The following PDLIM5 variants were observed in gnomAD, a reference collection of about 807,000 sequenced individuals.
PDLIM5 encodes the protein PDZ and LIM domain 5.
In PDLIM5, 34 loss-of-function variants were observed where a neutral mutation model predicts 64.2. The ratio of observed to expected loss-of-function variants is 0.53; its 90% confidence interval spans 0.40 to 0.71. PDLIM5 has a LOEUF of 0.71. Among genes scored for constraint, PDLIM5 ranks in the 30% least tolerant of loss-of-function variants. PDLIM5 has a pLI of 0.00. For missense variants in PDLIM5, 683 were observed against 733.6 expected, an observed-to-expected ratio of 0.93 and a Z score of 0.80; for synonymous variants, 253 against 269.1, an observed-to-expected ratio of 0.94 and a Z score of 0.59.
At chr4:94,464,147 T>C (rs1361140687) in intron 2 of PDLIM5, among the ~76,000 whole-genome samples, 1 of 152,208 alleles carries the variant, frequency 6.6e-6, no homozygotes, top group Non-Finnish European at 1.5e-5. Context: ...AGAAGAGTTT[T>C]GAATTAGAGA....
intron 3 of PDLIM5, among the ~76,000 whole-genome samples, chr4:94,532,167 G>A (rs1560682855): frequency 6.6e-6 from 1 of 152,122 alleles, no homozygotes; most frequent in Non-Finnish European, 1.5e-5. Context: ...TTATGTGGCT[G>A]ACTGCCACAA....
At chr4:94,478,106 A>G (rs1725491683) in intron 2 of PDLIM5, among the ~76,000 whole-genome samples, 2 of 151,934 alleles carry the variant, frequency 1.3e-5, no homozygotes, top group East Asian at 3.9e-4. Context: ...AAATACAAAA[A>G]TTACCCGGGC....
intron 7 of PDLIM5, among the ~76,000 whole-genome samples, chr4:94,615,940 C>T (rs1578476546): frequency 1.3e-5 from 2 of 152,140 alleles, no homozygotes; most frequent in Non-Finnish European, 2.9e-5. Context: ...ATAACCTGGG[C>T]TACTATTACC....
chr4:94,638,785 C>T (rs767595952), intron 8 of PDLIM5, among the ~76,000 whole-genome samples: 6 of 152,212 alleles, frequency 3.9e-5, no homozygotes, highest in Non-Finnish European at 8.8e-5. Context: ...TCAATCCTCA[C>T]TGTTTTCTCA....
Position 94,667,508 on chromosome 4 carries a change from A to G in PDLIM5, c.*3441A>G, listed in dbSNP as rs1743133400. On this transcript the variant is annotated 3_prime_UTR_variant, in exon 13 of 13. Coordinates refer to ENST00000317968, the MANE Select transcript of PDLIM5 (RefSeq NM_006457.5). ...GTAATCTAGAGATGATTTAAAGTGT[A>G]TGGTAGGATGTGCATAGGTTATATG... 6.6e-6 allele frequency: 1 copy of G among 152,222 alleles called. No homozygotes were observed. The highest frequency in any genetic ancestry group is 1.5e-5 in the Non-Finnish European group (1 of 68,038). 9.4% of individuals were successfully genotyped at this position (152,222 alleles called of 1,614,324 possible).
chr4:94,636,078 C>A (rs1231922755), intron 8 of PDLIM5, among the ~76,000 whole-genome samples: 1 of 152,182 alleles, frequency 6.6e-6, no homozygotes, highest in Admixed American at 6.5e-5. Flanking sequence ...GATACAGTCA[C>A]ATGTTTCATG....
chr4:94,455,221 G>A, intron 1 of PDLIM5, 26 bp from the exon 2 acceptor site: 2 of 899,612 alleles, frequency 2.2e-6, no homozygotes, highest in East Asian at 4.9e-5. Flanking sequence ...AAACATTTTT[G>A]CTAATCATCT....
intron 3 of PDLIM5, among the ~76,000 whole-genome samples, chr4:94,557,540 A>G (rs1211960720): frequency 1.3e-5 from 2 of 152,218 alleles, no homozygotes; most frequent in African/African-American, 4.8e-5. Flanking sequence ...ATCCATGAGC[A>G]TGGAATGTTC....
At chr4:94,567,228 C>T (rs1014800356) in intron 3 of PDLIM5, among the ~76,000 whole-genome samples, 1 of 152,264 alleles carries the variant, frequency 6.6e-6, no homozygotes, top group East Asian at 1.9e-4. Flanking sequence ...CTCCTGACCT[C>T]GTGATCTGCC....
intron 3 of PDLIM5, among the ~76,000 whole-genome samples, chr4:94,567,857 A>G (rs550634610): frequency 2.4e-4 from 37 of 152,300 alleles, no homozygotes; most frequent in Admixed American, 1.0e-3. Flanking sequence ...CTTCAGTATC[A>G]GTGCTGTGTG....
At chr4:94,507,526 A>C (rs1728493582) in intron 2 of PDLIM5, among the ~76,000 whole-genome samples, 1 of 152,170 alleles carries the variant, frequency 6.6e-6, no homozygotes, top group African/African-American at 2.4e-5. Flanking sequence ...TATATAAGGC[A>C]CTCATTAACC....
At position 94,455,274 on chromosome 4, in the gene PDLIM5, T is replaced by G; in HGVS notation, c.-15T>G. 2 of 1,531,256 alleles carry G rather than the reference T, an allele frequency of 1.3e-6. No individual in the cohort carries two copies. Among genetic ancestry groups the G allele is most frequent in the African/African-American group, 1.4e-5 (1 of 73,314 alleles). The allele number at this position is 1,531,256 out of a possible 1,614,324, so 94.9% of individuals were successfully genotyped here. A position where few individuals can be genotyped will look rare whatever the true frequency, so the allele number is the denominator to read the frequency against. ...TATTTCATTTTCTGTCATTGGACTT[T>G]GAGCCATTAGAACCATGAGCAACTA... On this transcript the variant is annotated 5_prime_UTR_variant, in exon 2 of 13. Coordinates refer to ENST00000317968, the MANE Select transcript of PDLIM5 (RefSeq NM_006457.5).
At chr4:94,457,045 T>C (rs1723436067) in intron 2 of PDLIM5, 1 of 922,382 alleles carries the variant, frequency 1.1e-6, no homozygotes, top group African/African-American at 1.8e-5. Context: ...ATTGTCATTT[T>C]GGTTAATAAT....
chr4:94,657,915 C>T (rs1294144548), intron 11 of PDLIM5, among the ~76,000 whole-genome samples: 3 of 152,058 alleles, frequency 2.0e-5, no homozygotes, highest in East Asian at 1.9e-4. Flanking sequence ...CATGTTGGCC[C>T]GGCTGGTCTC....
At chr4:94,643,448 A>G (rs1202288250) in intron 9 of PDLIM5, among the ~76,000 whole-genome samples, 1 of 151,958 alleles carries the variant, frequency 6.6e-6, no homozygotes, top group East Asian at 1.9e-4. Flanking sequence ...ATAGAAAATC[A>G]GGCAGTTGTA....
At chr4:94,513,063 C>T (rs554353014) in intron 2 of PDLIM5, among the ~76,000 whole-genome samples, 4 of 152,032 alleles carry the variant, frequency 2.6e-5, no homozygotes, top group Non-Finnish European at 5.9e-5. Context: ...GATTTGTTTC[C>T]GGATTCTCTA....
intron 12 of PDLIM5, 30 bp downstream of exon 12, chr4:94,662,567 G>A: frequency 9.2e-7 from 1 of 1,086,180 alleles, no homozygotes; most frequent in Non-Finnish European, 1.4e-6. Context: ...CTAATTAAAG[G>A]GGTATAGTAT....
intron 2 of PDLIM5, among the ~76,000 whole-genome samples, chr4:94,477,369 T>C (rs1294290486): frequency 6.6e-6 from 1 of 152,226 alleles, no homozygotes; most frequent in African/African-American, 2.4e-5. Context: ...TAGTAAATTT[T>C]GGCATGCAGT....
chr4:94,588,511 C>T (rs1578428999), intron 7 of PDLIM5, among the ~76,000 whole-genome samples: 1 of 151,750 alleles, frequency 6.6e-6, no homozygotes, highest in Non-Finnish European at 1.5e-5. Flanking sequence ...TGCGGTGAGC[C>T]GAGATTGCAC....
Sources: allele counts gnomAD v4.1 joint callset (sites outside exome capture counted in the v4.1 genomes callset), GRCh38; gene constraint gnomAD v4.1.1; transcripts MANE v1.5; gene names NCBI Gene and HGNC (gene_info 2026-07-23, HGNC 2026-07-21).